Variants in HMGA2 observed in about 807,000 individuals in gnomAD.
HMGA2 encodes the protein high mobility group AT-hook 2.
In HMGA2, 8 loss-of-function variants were observed where a neutral mutation model predicts 19.1. The ratio of observed to expected loss-of-function variants is 0.42; its 90% confidence interval spans 0.25 to 0.76. The LOEUF (loss-of-function observed/expected upper bound fraction) is 0.76. Ranked by LOEUF, HMGA2 falls within the 30% of genes least tolerant of loss-of-function variation. HMGA2 has a pLI of 0.28. For missense variants in HMGA2, 109 were observed against 136.3 expected (o/e 0.80, Z 1.00); for synonymous variants, 60 against 48.8 (o/e 1.23, Z -0.96).
chr12:65,843,435 T>C (rs989541638), intron 3 of HMGA2: 2 of 199,230 alleles, frequency 1.0e-5, no homozygotes, highest in Non-Finnish European at 2.1e-5. Flanking sequence ...AGGGTTTTTT[T>C]CCCCTAGTTT....
intron 3 of HMGA2, among the ~76,000 whole-genome samples, chr12:65,899,492 T>C (rs563286177): frequency 6.6e-6 from 1 of 152,186 alleles, no homozygotes; most frequent in Admixed American, 6.5e-5. Flanking sequence ...TTGCAGGATG[T>C]TTTCTGAATT....
intron 3 of HMGA2, among the ~76,000 whole-genome samples, chr12:65,923,306 C>A (rs1215720186): frequency 6.6e-6 from 1 of 152,160 alleles, no homozygotes; most frequent in Non-Finnish European, 1.5e-5. Flanking sequence ...TTTCCCACTC[C>A]CAAAGGAGAG....
chr12:65,828,343 A>C, intron 2 of HMGA2: 2 of 275,948 alleles, frequency 7.2e-6, no homozygotes, highest in Middle Eastern at 1.3e-3. Context: ...GAACCTTAAA[A>C]CGGGTAGAAG....
intron 3 of HMGA2, among the ~76,000 whole-genome samples, chr12:65,931,435 C>G (rs1875706430): frequency 6.6e-6 from 1 of 152,052 alleles, no homozygotes; most frequent in South Asian, 2.1e-4. Flanking sequence ...GTAAAGCAAT[C>G]AAATGTTGAA....
chr12:65,921,300 C>A (rs1273892449), intron 3 of HMGA2, among the ~76,000 whole-genome samples: 1 of 152,200 alleles, frequency 6.6e-6, no homozygotes, highest in African/African-American at 2.4e-5. Flanking sequence ...TGCTCTGTCA[C>A]CCAGGCTGGA....
intron 2 of HMGA2, among the ~76,000 whole-genome samples, chr12:65,837,499 C>T (rs1870785029): frequency 6.6e-6 from 1 of 152,144 alleles, no homozygotes. Flanking sequence ...ACAAGGTATC[C>T]TGGTTCAAGT....
At chr12:65,935,974 G>A (rs1875878188) in intron 3 of HMGA2, among the ~76,000 whole-genome samples, 2 of 151,960 alleles carry the variant, frequency 1.3e-5, no homozygotes, top group Admixed American at 6.6e-5. Context: ...TTGATGCAGC[G>A]TCCTGTTACA....
chr12:65,909,909 AT>A, intron 3 of HMGA2, among the ~76,000 whole-genome samples: 1 of 152,324 alleles, frequency 6.6e-6, no homozygotes, highest in African/African-American at 2.4e-5. Context: ...TCGGTGACCT[AT>A]TTGGCTCACG....
At chr12:65,938,995 A>T (rs565922798) in intron 3 of HMGA2, among the ~76,000 whole-genome samples, 1 of 152,204 alleles carries the variant, frequency 6.6e-6, no homozygotes, top group Non-Finnish European at 1.5e-5. Flanking sequence ...GCACTCTTTT[A>T]TGAGATATAT....
At chr12:65,879,872 T>C (rs970955113) in intron 3 of HMGA2, among the ~76,000 whole-genome samples, 1 of 152,236 alleles carries the variant, frequency 6.6e-6, no homozygotes, top group Non-Finnish European at 1.5e-5. Flanking sequence ...CAGGGATTTA[T>C]GTTCTTTTCA....
intron 3 of HMGA2, chr12:65,842,857 A>G (rs1257673969): frequency 7.6e-7 from 1 of 1,315,314 alleles, no homozygotes; most frequent in African/African-American, 1.5e-5. Flanking sequence ...GTATTTGGAG[A>G]AAGTTTTAGA....
chr12:65,886,033 A>G (rs1873642260), intron 3 of HMGA2, among the ~76,000 whole-genome samples: 1 of 152,178 alleles, frequency 6.6e-6, no homozygotes, highest in South Asian at 2.1e-4. Flanking sequence ...TGCTCTGCCT[A>G]TGGAGTAGCC....
At chr12:65,860,607 A>G (rs1388761380) in intron 3 of HMGA2, among the ~76,000 whole-genome samples, 1 of 152,258 alleles carries the variant, frequency 6.6e-6, no homozygotes, top group African/African-American at 2.4e-5. Flanking sequence ...ACCGCTTAAT[A>G]CAATATTTGT....
At chr12:65,856,087 C>T (rs1871726952) in intron 3 of HMGA2, 1 of 152,086 alleles carries the variant, frequency 6.6e-6, no homozygotes, top group South Asian at 2.1e-4. Context: ...TATAGAATAT[C>T]AGCATATGCT....
chr12:65,868,520 G>GAGGCAATGAGTCACCTC (rs1210731403), intron 3 of HMGA2, among the ~76,000 whole-genome samples: 4 of 152,118 alleles, frequency 2.6e-5, no homozygotes, highest in African/African-American at 9.7e-5. Flanking sequence ...AGGGAGAACT[G>GAGGCAATGAGTCACCTC]AGGCAATGAG....
intron 3 of HMGA2, among the ~76,000 whole-genome samples, chr12:65,887,416 G>A (rs753909367): frequency 1.4e-4 from 22 of 151,914 alleles, no homozygotes; most frequent in Non-Finnish European, 2.5e-4. Flanking sequence ...GCAAAACCCC[G>A]TCTCTACTAA....
chr12:65,949,505 T>C (rs1876382857), intron 3 of HMGA2, among the ~76,000 whole-genome samples: 2 of 152,186 alleles, frequency 1.3e-5, no homozygotes, highest in Admixed American at 1.3e-4. Context: ...ATCTCAGCGA[T>C]GTGTAGATAG....
At chr12:65,940,100 G>T (rs1426182812) in intron 3 of HMGA2, among the ~76,000 whole-genome samples, 1 of 151,472 alleles carries the variant, frequency 6.6e-6, no homozygotes, top group Non-Finnish European at 1.5e-5. Context: ...TATAGCAGGT[G>T]ATAAACAAGA....
intron 4 of HMGA2, among the ~76,000 whole-genome samples, chr12:65,962,852 T>A (rs879660825): frequency 6.6e-6 from 1 of 151,844 alleles, no homozygotes; most frequent in African/African-American, 2.4e-5. Context: ...AGGATCCCCC[T>A]AACTCTATTT....
Sources: gnomAD v4.1 joint callset for allele counts (sites outside exome capture counted in the v4.1 genomes callset) on GRCh38, gnomAD v4.1.1 for gene constraint, MANE v1.5 for transcripts, NCBI Gene and HGNC (gene_info 2026-07-23, HGNC 2026-07-21) for gene names.